Variants in DUSP10 observed in about 807,000 individuals in gnomAD.
The protein encoded by DUSP10 is dual specificity phosphatase 10, also known as dual specificity protein phosphatase 10.
A neutral mutation model predicts 30.8 loss-of-function variants in DUSP10; 14 were observed. The observed-to-expected ratio is 0.46, with a 90% confidence interval of 0.30 to 0.71. The LOEUF is 0.71. Among genes scored for constraint, DUSP10 ranks in the 30% least tolerant of loss-of-function variants. DUSP10 has a pLI of 0.08. For missense variants in DUSP10, 550 were observed against 619.4 expected (o/e 0.89, Z 1.19); for synonymous variants, 254 against 250.4 (o/e 1.01, Z -0.14).
intron 2 of DUSP10, among the ~76,000 whole-genome samples, chr1:221,725,418 C>T (rs1265983036): frequency 1.3e-5 from 2 of 152,164 alleles, no homozygotes; most frequent in African/African-American, 4.8e-5. Flanking sequence ...TTCCTGGACT[C>T]CATAACCACA....
chr1:221,720,748 T>G (rs1571819840), intron 2 of DUSP10, among the ~76,000 whole-genome samples: 2 of 152,354 alleles, frequency 1.3e-5, no homozygotes, highest in Admixed American at 1.3e-4. Context: ...TAGACTCACA[T>G]AGATGATTCA....
At chr1:221,703,635 T>C (rs991690304) in intron 3 of DUSP10, among the ~76,000 whole-genome samples, 20 of 152,138 alleles carry the variant, frequency 1.3e-4, no homozygotes, top group Admixed American at 1.1e-3. Context: ...TCCAGAGCAA[T>C]TGAAAGAGGA....
chr1:221,712,152 C>T lies in DUSP10; in HGVS notation c.812-5686G>A, dbSNP rs137863752. 7.3e-3 allele frequency among the ~76,000 whole-genome samples: 1,113 copies of T among 152,116 alleles called. 6 individuals are homozygous for T. The highest frequency in any genetic ancestry group is 8.7e-3 in the Non-Finnish European group (591 of 67,986). ...TTTACAGTAGGAATTGGGTATTTTA[C>T]AGTAGGGTATTTTCAAGTTCAAGAT... On this transcript the variant is annotated intron_variant, in intron 2 of 3. Coordinates refer to ENST00000366899, the MANE Select transcript of DUSP10 (RefSeq NM_007207.6).
chr1:221,708,752 C>A (rs2102617337), intron 2 of DUSP10, among the ~76,000 whole-genome samples: 1 of 152,298 alleles, frequency 6.6e-6, no homozygotes, highest in Non-Finnish European at 1.5e-5. Flanking sequence ...ACAGCCTCCA[C>A]AAAAGGGATT....
At chr1:221,723,560 AC>A (rs1363632461) in intron 2 of DUSP10, among the ~76,000 whole-genome samples, 1 of 152,248 alleles carries the variant, frequency 6.6e-6, no homozygotes. Flanking sequence ...CTTCTAGCCA[AC>A]TGGTTATAAA....
At chr1:221,741,803 A>G (rs1161094197) in intron 1 of DUSP10, among the ~76,000 whole-genome samples, 178 bp downstream of exon 1, 2 of 152,010 alleles carry the variant, frequency 1.3e-5, no homozygotes, top group African/African-American at 4.8e-5. Context: ...TTATAACCCT[A>G]CCTGCTGTAG....
In DUSP10 at chr1:221,738,891, C is replaced by T. The variant is rs139095138; in HGVS notation, c.811+43G>A. 2,843 of 1,542,248 alleles carry T rather than the reference C, an allele frequency of 1.8e-3. 21 individuals carry two copies. Among genetic ancestry groups the T allele is most frequent in the South Asian group, 0.011 (824 of 77,944 alleles). On this transcript the variant is annotated intron_variant, in intron 2 of 3. Transcript: ENST00000366899. ...TCTACGAGAAAACCCAAAGTGAACCCGGCTAATCAGGACCGTGCTTGGGAA... is the reference window on the plus strand; with the variant it reads ...TCTACGAGAAAACCCAAAGTGAACCTGGCTAATCAGGACCGTGCTTGGGAA...
chr1:221,707,816 T>C (rs1660810830), intron 2 of DUSP10, among the ~76,000 whole-genome samples: 1 of 152,182 alleles, frequency 6.6e-6, no homozygotes, highest in African/African-American at 2.4e-5. Context: ...TATTAAATTT[T>C]TTAAAAGCTA....
intron 2 of DUSP10, among the ~76,000 whole-genome samples, chr1:221,707,640 G>GATGTTCACT (rs1478393228): frequency 6.6e-6 from 1 of 152,128 alleles, no homozygotes; most frequent in Non-Finnish European, 1.5e-5. Context: ...GATATATGGA[G>GATGTTCACT]ATGTTCACTA....
At chr1:221,740,850 C>T (rs1340032344) in intron 1 of DUSP10, among the ~76,000 whole-genome samples, 2 of 152,220 alleles carry the variant, frequency 1.3e-5, no homozygotes, top group Non-Finnish European at 2.9e-5. Context: ...AAAAAGACAG[C>T]TCCTTCCTCC....
intron 2 of DUSP10, chr1:221,736,884 C>T: frequency 1.0e-6 from 1 of 985,490 alleles, no homozygotes; most frequent in Non-Finnish European, 1.2e-6. Context: ...GCCGCGGTGT[C>T]TCACCAACTC....
At chr1:221,721,467 C>T (rs926113308) in intron 2 of DUSP10, among the ~76,000 whole-genome samples, 3 of 152,222 alleles carry the variant, frequency 2.0e-5, no homozygotes, top group African/African-American at 7.2e-5. Context: ...CTCACACAGT[C>T]AGGTGCAGGA....
Position 221,706,377 on chromosome 1 carries a change from A to C in DUSP10, c.901T>G (p.Ser301Ala). 6.3e-7 allele frequency: 1 copy of C among 1,590,566 alleles called. No homozygotes were observed. Among genetic ancestry groups the C allele is most frequent in the Non-Finnish European group, 8.6e-7 (1 of 1,165,452 alleles). ...QECREVGGGA[S>A]AASSLLPQPI... ...TGAGGTAGCAAGCTCGAGGCCGCGG[A>C]TGCGCCGCCCCCCACCTCCCGGCAC... The change falls in exon 3 of 4, where the codon TCC becomes GCC. Residue 301 changes from serine (S) to alanine (A), a missense_variant. Physicochemically the swap from Ser to Ala is moderately conservative, Grantham distance 99. Coordinates refer to ENST00000366899, the MANE Select transcript of DUSP10 (RefSeq NM_007207.6). This position sits in a 1 kb window ranked among gnomAD's most constrained non-coding sequence, Gnocchi z 4.6.
At chr1:221,718,537 A>C (rs545537368) in intron 2 of DUSP10, among the ~76,000 whole-genome samples, 1 of 152,302 alleles carries the variant, frequency 6.6e-6, no homozygotes, top group Non-Finnish European at 1.5e-5. Flanking sequence ...ATAAAACACA[A>C]AGCCATATTT....
chr1:221,709,355 A>G (rs1482192132), intron 2 of DUSP10, among the ~76,000 whole-genome samples: 3 of 151,840 alleles, frequency 2.0e-5, no homozygotes, highest in African/African-American at 7.3e-5. Flanking sequence ...GGAATTTGAG[A>G]CAGACACACA....
chr1:221,719,517 G>A (rs1393601763), intron 2 of DUSP10, among the ~76,000 whole-genome samples: 1 of 152,142 alleles, frequency 6.6e-6, no homozygotes, highest in African/African-American at 2.4e-5. Flanking sequence ...CACCTTCTGA[G>A]ATTAGGGGGA....
intron 3 of DUSP10, among the ~76,000 whole-genome samples, chr1:221,703,798 G>A (rs1453595561): frequency 6.6e-6 from 1 of 152,186 alleles, no homozygotes; most frequent in East Asian, 1.9e-4. Flanking sequence ...TAGGGAAGGA[G>A]AAGGGGTAGA....
intron 2 of DUSP10, among the ~76,000 whole-genome samples, chr1:221,732,060 G>T (rs966174045): frequency 1.8e-4 from 28 of 152,342 alleles, no homozygotes; most frequent in African/African-American, 6.7e-4. Context: ...AAGATGGAAA[G>T]GATCTGGAAG....
At chr1:221,722,547 T>C (rs1018332108) in intron 2 of DUSP10, among the ~76,000 whole-genome samples, 1 of 152,252 alleles carries the variant, frequency 6.6e-6, no homozygotes, top group African/African-American at 2.4e-5. Context: ...ACAAGTCATA[T>C]TGATTTCTTT....
Sources: allele counts gnomAD v4.1 joint callset (sites outside exome capture counted in the v4.1 genomes callset), GRCh38; gene constraint gnomAD v4.1.1; non-coding constraint Gnocchi (gnomAD v3.1); transcripts MANE v1.5; gene names NCBI Gene and HGNC (gene_info 2026-07-23, HGNC 2026-07-21).